Variants in ATP2C2 observed in about 807,000 individuals in gnomAD.
The protein encoded by ATP2C2 is ATPase secretory pathway Ca2+ transporting 2, also known as calcium-transporting ATPase type 2C member 2.
In ATP2C2, 171 loss-of-function variants were observed where a neutral mutation model predicts 110.8. The observed-to-expected ratio is 1.54, with a 90% CI of 1.36 to 1.75. The LOEUF is 1.75. ATP2C2 is among the 40% of genes most tolerant of loss of function. The pLI is 0.00. For missense variants in ATP2C2, 1,963 were observed against 1,235.0 expected (o/e 1.59, Z -8.84); for synonymous variants, 804 against 508.4 (o/e 1.58, Z -7.82).
chr16:84,422,711 G>A lies in ATP2C2; in HGVS notation c.843+14G>A, dbSNP rs2150545347. On this transcript the variant is annotated intron_variant, in intron 9 of 26. Coordinates refer to ENST00000262429, the MANE Select transcript of ATP2C2 (RefSeq NM_014861.4). The stretch of plus-strand genomic sequence containing the variant: ...CAGGCTGAAGAGGTAAGGGGCAGGA[G>A]GGGGCTTCGGGACTTTTGTAAGCTG... The A allele has an allele frequency of 2.5e-6, 4 of 1,594,590 alleles. No individual in the cohort carries two copies. Among genetic ancestry groups the A allele is most frequent in the East Asian group, 2.2e-5 (1 of 44,742 alleles).
intron 2 of ATP2C2, among the ~76,000 whole-genome samples, chr16:84,400,329 G>GTTTTTTTTTT (rs112134569): frequency 7.3e-6 from 1 of 136,414 alleles, no homozygotes; most frequent in African/African-American, 2.7e-5. Flanking sequence ...TTAGTTTTTT[G>GTTTTTTTTTT]TTGTTTTTTT....
At chr16:84,449,644 G>A (rs1910074547) in intron 17 of ATP2C2, among the ~76,000 whole-genome samples, 1 of 152,148 alleles carries the variant, frequency 6.6e-6, no homozygotes, top group Admixed American at 6.5e-5. Flanking sequence ...GATCTGAGAG[G>A]GGCTGGTATA....
chr16:84,391,113 CAAAAA>C (rs567509863), intron 1 of ATP2C2, among the ~76,000 whole-genome samples: 16 of 73,286 alleles, frequency 2.2e-4, no homozygotes, highest in African/African-American at 8.2e-4. Flanking sequence ...GACTCAGACT[CAAAAA>C]AAAAAAAAAA....
chr16:84,444,231 G>C (rs1266996108), intron 15 of ATP2C2, among the ~76,000 whole-genome samples: 3 of 149,694 alleles, frequency 2.0e-5, no homozygotes, highest in Non-Finnish European at 3.0e-5. Flanking sequence ...GCAACACTTT[G>C]GGAGACCGAG....
intron 7 of ATP2C2, among the ~76,000 whole-genome samples, chr16:84,416,173 C>G (rs958676272): frequency 6.6e-6 from 1 of 152,132 alleles, no homozygotes; most frequent in Non-Finnish European, 1.5e-5. Context: ...GAAGCACACG[C>G]TTTTAGAGTA....
intron 17 of ATP2C2, among the ~76,000 whole-genome samples, chr16:84,450,077 C>G (rs990142309): frequency 6.6e-6 from 1 of 152,362 alleles, no homozygotes; most frequent in Non-Finnish European, 1.5e-5. Flanking sequence ...GGGACTTGCT[C>G]CAGGCCTTGC....
intron 6 of ATP2C2, among the ~76,000 whole-genome samples, chr16:84,414,750 G>A (rs879655166): frequency 7.9e-5 from 12 of 152,312 alleles, no homozygotes; most frequent in East Asian, 1.9e-4. Flanking sequence ...GAGCCTGTGC[G>A]TTTAAGGGGG....
At chr16:84,448,812 A>C (rs1909998622) in intron 17 of ATP2C2, 123 bp downstream of exon 17, 1 of 1,340,558 alleles carries the variant, frequency 7.5e-7, no homozygotes, top group Non-Finnish European at 1.0e-6. Flanking sequence ...CAGCATGCTG[A>C]CGGCAATAAT....
intron 6 of ATP2C2, among the ~76,000 whole-genome samples, chr16:84,412,873 C>T (rs1187004284): frequency 6.6e-6 from 1 of 151,816 alleles, no homozygotes; most frequent in Non-Finnish European, 1.5e-5. Flanking sequence ...AGGTAGGCAG[C>T]TCACCTGAGG....
At position 84,371,384 on chromosome 16, in the gene ATP2C2, G is replaced by C. The variant is rs149893303; in HGVS notation, c.99+2670G>C. On this transcript the variant is annotated intron_variant, in intron 1 of 26. Coordinates refer to ENST00000262429, the MANE Select transcript of ATP2C2 (RefSeq NM_014861.4). ...ATTAGGCGTGGTGGTGTGCACCTGT[G>C]GTCCTAGCTACTCACCAAGCTGAAG... Among the ~76,000 whole-genome samples, 198 of 152,222 alleles carry C rather than the reference G, an allele frequency of 1.3e-3. 2 individuals are homozygous for C. The East Asian group carries it at 0.017, about 13-fold the overall frequency.
chr16:84,413,039 A>C (rs974340389), intron 6 of ATP2C2, among the ~76,000 whole-genome samples: 10 of 151,580 alleles, frequency 6.6e-5, no homozygotes, highest in Non-Finnish European at 1.5e-4. Context: ...TGGAGGTTGC[A>C]GTGAGCCAAG....
chr16:84,448,980 A>G (rs1002600265), intron 17 of ATP2C2, among the ~76,000 whole-genome samples: 3 of 152,188 alleles, frequency 2.0e-5, no homozygotes, highest in Admixed American at 6.5e-5. Flanking sequence ...GATTTTCCCA[A>G]TAGGTCTTTT....
chr16:84,399,024 G>A (rs140986821), intron 2 of ATP2C2, among the ~76,000 whole-genome samples: 5 of 152,352 alleles, frequency 3.3e-5, no homozygotes, highest in East Asian at 3.9e-4. Context: ...TCCCACCGTC[G>A]TCTTTTATAA....
At chr16:84,452,126 G>T (rs768778478) in intron 18 of ATP2C2, 35 bp downstream of exon 18, 3 of 1,612,166 alleles carry the variant, frequency 1.9e-6, no homozygotes, top group Non-Finnish European at 2.5e-6. Context: ...AGGACGAAAG[G>T]ACCCATCCAT....
chr16:84,410,446 G>A lies in ATP2C2; in HGVS notation c.418-122G>A. The A allele has an allele frequency of 3.4e-6, 4 of 1,168,340 alleles. No individual in the cohort carries two copies. In the Admixed American group the frequency reaches 5.1e-5, roughly 15 times the overall value. 72.4% of individuals were successfully genotyped at this position (1,168,340 alleles called of 1,614,324 possible). A position where few individuals can be genotyped will look rare whatever the true frequency, so the allele number is the denominator to read the frequency against. On this transcript the variant is annotated intron_variant, in intron 4 of 26. Coordinates refer to ENST00000262429, the MANE Select transcript of ATP2C2 (RefSeq NM_014861.4). Reference sequence around the variant, plus strand: ...AGTATATTTTCTAAATTTCTGTACTGTGCACATGTTTTGCAAGAAGAAAGG... The same window carrying A: ...AGTATATTTTCTAAATTTCTGTACTATGCACATGTTTTGCAAGAAGAAAGG...
rs144068768 is a variant in ATP2C2 at position 84,438,536 on chromosome 16, C to T, written c.987-630C>T. Reference sequence around the variant, plus strand: ...TCTCACCAGCTCAGCTTGGGTCACACGCTCTCCTCGAATCCAGCCAACCCT... The same window carrying T: ...TCTCACCAGCTCAGCTTGGGTCACATGCTCTCCTCGAATCCAGCCAACCCT... On this transcript the variant is annotated intron_variant, in intron 11 of 26. Coordinates refer to ENST00000262429, the MANE Select transcript of ATP2C2 (RefSeq NM_014861.4). 3.9e-3 allele frequency among the ~76,000 whole-genome samples: 594 copies of T among 152,326 alleles called. 1 individual carries two copies. Among genetic ancestry groups the T allele is most frequent in the African/African-American group, 8.4e-3 (348 of 41,572 alleles).
intron 16 of ATP2C2, 141 bp downstream of exon 16, chr16:84,446,571 C>A: frequency 1.9e-6 from 1 of 526,350 alleles, no homozygotes; most frequent in Non-Finnish European, 3.3e-6. Flanking sequence ...AAAACTTAAT[C>A]ACCATCATAC....
At chr16:84,418,542 G>C (rs1907037355) in intron 7 of ATP2C2, among the ~76,000 whole-genome samples, 1 of 152,158 alleles carries the variant, frequency 6.6e-6, no homozygotes, top group South Asian at 2.1e-4. Context: ...TGTTTCATTT[G>C]TTCTCCCAAC....
intron 11 of ATP2C2, among the ~76,000 whole-genome samples, chr16:84,432,337 A>G (rs978168747): frequency 3.3e-5 from 5 of 152,122 alleles, no homozygotes; most frequent in Non-Finnish European, 7.4e-5. Context: ...TTACATAGGT[A>G]TACACGTGCC....
Sources: gnomAD v4.1 joint callset for allele counts (sites outside exome capture counted in the v4.1 genomes callset) on GRCh38, gnomAD v4.1.1 for gene constraint, MANE v1.5 for transcripts, NCBI Gene and HGNC (gene_info 2026-07-23, HGNC 2026-07-21) for gene names.